The following NELL1 variants were observed in gnomAD, a reference collection of about 807,000 sequenced individuals.
NELL1 encodes protein kinase C-binding protein NELL1.
Under a neutral mutation model 107.4 loss-of-function variants are expected in NELL1, and 76 were observed. That is an observed-to-expected ratio of 0.71 (90% CI 0.59 to 0.86). The LOEUF (loss-of-function observed/expected upper bound fraction) is 0.86, where lower values mean the gene tolerates loss of function less well. NELL1 is among the 40% of genes least tolerant of loss of function. The pLI, the probability that NELL1 is intolerant of heterozygous loss-of-function variation, is 0.00. For synonymous variants in NELL1, 353 were observed against 341.2 expected (o/e 1.03, Z -0.38); for missense variants, 1,024 against 1,005.5 (o/e 1.02, Z -0.25).
intron 2 of NELL1, among the ~76,000 whole-genome samples, chr11:20,725,625 C>T (rs12295675): frequency 0.17 from 25,678 of 152,126 alleles, 2,441 homozygotes; most frequent in East Asian, 0.34. Flanking sequence ...GAAATAGGTG[C>T]TAATTTGGAA....
chr11:20,711,432 G>A lies in NELL1; in HGVS notation c.184+33372G>A, dbSNP rs545192598. ...TTCTATTCATCATGTTGTTGCCTAA[G>A]TACCTTGTATTTTTTTCTCATTGTG... On this transcript the variant is annotated intron_variant, in intron 2 of 19. Coordinates refer to ENST00000357134, the MANE Select transcript of NELL1 (RefSeq NM_006157.5). Among the ~76,000 whole-genome samples the A allele has an allele frequency of 1.2e-3, 188 of 152,086 alleles. 1 individual carries two copies. In the Middle Eastern group the frequency reaches 0.014, roughly 11 times the overall value.
At chr11:20,847,843 C>A in intron 4 of NELL1, 90 bp downstream of exon 4, 1 of 1,378,846 alleles carries the variant, frequency 7.3e-7, no homozygotes, top group Non-Finnish European at 9.8e-7. Context: ...TCAAGACTTG[C>A]CAGGAAACAA....
intron 16 of NELL1, among the ~76,000 whole-genome samples, chr11:21,537,864 A>G (rs75494905): frequency 4.5e-4 from 68 of 152,200 alleles, no homozygotes; most frequent in African/African-American, 1.5e-3. Context: ...ATATCACAAA[A>G]CCATGAGTCT....
At chr11:21,426,879 C>T (rs1852835397) in intron 15 of NELL1, among the ~76,000 whole-genome samples, 1 of 152,136 alleles carries the variant, frequency 6.6e-6, no homozygotes, top group South Asian at 2.1e-4. Flanking sequence ...CATAGTCCAT[C>T]TGGAGCACTG....
At position 20,984,802 on chromosome 11, in the gene NELL1, G is replaced by T. The variant is rs1472852386; in HGVS notation, c.1300+24242G>T. ...ATTTGCAGAGAGAAGGGAGTAATTG[G>T]CTTATTTTGAAGGTACATTAACTCG... is the stretch of plus-strand genomic sequence containing the variant. On this transcript the variant is annotated intron_variant, in intron 12 of 19. Transcript: ENST00000357134. Among the ~76,000 whole-genome samples, 7 of 151,982 alleles carry T rather than the reference G, an allele frequency of 4.6e-5. No homozygotes were observed. In the East Asian group the frequency reaches 1.4e-3, roughly 30 times the overall value.
chr11:21,185,880 A>G (rs1856924945), intron 13 of NELL1, among the ~76,000 whole-genome samples: 1 of 151,772 alleles, frequency 6.6e-6, no homozygotes, highest in South Asian at 2.1e-4. Context: ...GGCATCTGCA[A>G]ATGACTCTAA....
At chr11:21,187,733 A>G (rs138848170) in intron 13 of NELL1, among the ~76,000 whole-genome samples, 1 of 151,924 alleles carries the variant, frequency 6.6e-6, no homozygotes, top group African/African-American at 2.4e-5. Flanking sequence ...AGAGAATCAT[A>G]GAATGTTCAA....
intron 14 of NELL1, among the ~76,000 whole-genome samples, chr11:21,250,109 G>A (rs538432547): frequency 1.8e-4 from 28 of 152,238 alleles, no homozygotes; most frequent in African/African-American, 6.5e-4. Context: ...TGCTAATGTG[G>A]TTGGCAACAA....
In NELL1 at chr11:21,573,419, T is replaced by A. The variant is rs748205426; in HGVS notation, c.2382+10T>A. On this transcript the variant is annotated intron_variant, in intron 19 of 19. Coordinates refer to ENST00000357134, the MANE Select transcript of NELL1 (RefSeq NM_006157.5). ...AACCTGTAAATGCAAGGTAATTGGA[T>A]GTTCTGCGGATATTGAAGCCTTGAA... 2 of 1,608,560 alleles carry A rather than the reference T, an allele frequency of 1.2e-6. No homozygotes were observed. Among genetic ancestry groups the A allele is most frequent in the Non-Finnish European group, 1.7e-6 (2 of 1,176,498 alleles).
chr11:20,695,034 A>T (rs1400983706), intron 2 of NELL1, among the ~76,000 whole-genome samples: 1 of 151,800 alleles, frequency 6.6e-6, no homozygotes, highest in Non-Finnish European at 1.5e-5. Context: ...GTTTCTAGGT[A>T]TTTTATTTTT....
intron 15 of NELL1, among the ~76,000 whole-genome samples, chr11:21,463,345 A>C (rs1244668093): frequency 6.6e-6 from 1 of 152,114 alleles, no homozygotes; most frequent in Non-Finnish European, 1.5e-5. Context: ...GCAAATTAAT[A>C]TTCGACCATA....
At chr11:20,746,148 C>T (rs186055698) in intron 2 of NELL1, among the ~76,000 whole-genome samples, 1 of 152,154 alleles carries the variant, frequency 6.6e-6, no homozygotes, top group Admixed American at 6.6e-5. Context: ...TCTGTAGTCA[C>T]CTGGACTGTG....
At chr11:20,943,730 C>T (rs1850905901) in intron 10 of NELL1, among the ~76,000 whole-genome samples, 1 of 152,164 alleles carries the variant, frequency 6.6e-6, no homozygotes, top group South Asian at 2.1e-4. Context: ...GGGATCAGAA[C>T]CTGTGTGGTT....
chr11:21,360,860 G>A (rs1165334020), intron 14 of NELL1, among the ~76,000 whole-genome samples: 1 of 152,060 alleles, frequency 6.6e-6, no homozygotes, highest in Non-Finnish European at 1.5e-5. Context: ...TATGTGTTAG[G>A]TGAGTCTCTT....
chr11:21,080,493 T>C (rs1854240617), intron 12 of NELL1, among the ~76,000 whole-genome samples: 1 of 152,158 alleles, frequency 6.6e-6, no homozygotes, highest in African/African-American at 2.4e-5. Flanking sequence ...TATAGTCTCA[T>C]GTGTGCAACA....
chr11:21,201,300 T>C (rs1281892515), intron 13 of NELL1, among the ~76,000 whole-genome samples: 1 of 152,210 alleles, frequency 6.6e-6, no homozygotes, highest in African/African-American at 2.4e-5. Flanking sequence ...TCCTCTCGTA[T>C]TTCCTTGAGT....
At chr11:20,871,632 AT>A (rs141890640) in intron 4 of NELL1, among the ~76,000 whole-genome samples, 44 of 140,694 alleles carry the variant, frequency 3.1e-4, no homozygotes, top group East Asian at 8.6e-4. Flanking sequence ...CTACTTTCTC[AT>A]TTTTTTTTTA....
At chr11:20,993,960 A>T (rs1269020150) in intron 12 of NELL1, among the ~76,000 whole-genome samples, 1 of 151,976 alleles carries the variant, frequency 6.6e-6, no homozygotes, top group Non-Finnish European at 1.5e-5. Context: ...ATAATATTTG[A>T]TGACAAATAT....
chr11:21,302,967 G>A (rs891640529), intron 14 of NELL1, among the ~76,000 whole-genome samples: 16 of 151,808 alleles, frequency 1.1e-4, no homozygotes, highest in African/African-American at 2.7e-4. Flanking sequence ...AGACTGAAGC[G>A]GGAGGATCAC....
Sources: gnomAD v4.1 joint callset for allele counts (sites outside exome capture counted in the v4.1 genomes callset) on GRCh38, gnomAD v4.1.1 for gene constraint, MANE v1.5 for transcripts, NCBI Gene and HGNC (gene_info 2026-07-23, HGNC 2026-07-21) for gene names.